The following FAR1 variants were observed in gnomAD, a reference collection of about 807,000 sequenced individuals.
The protein encoded by FAR1 is fatty acyl-CoA reductase 1.
Under a neutral mutation model 61.1 loss-of-function variants are expected in FAR1, and 22 were observed. The ratio of observed to expected loss-of-function variants is 0.36; its 90% CI spans 0.26 to 0.51. FAR1 has a LOEUF of 0.51. FAR1 is among the 20% of genes least tolerant of loss of function. FAR1 has a pLI of 0.95. For synonymous variants in FAR1, 206 were observed against 209.7 expected (o/e 0.98, Z 0.15); for missense variants, 359 against 626.9 (o/e 0.57, Z 4.56).
At position 13,685,645 on chromosome 11, in the gene FAR1, T is replaced by C. The variant is rs192237432; in HGVS notation, c.-7-9114T>C. The C allele has an allele frequency of 2.4e-3, 451 of 190,346 alleles. 4 individuals are homozygous for C. The highest frequency in any genetic ancestry group is 0.01 in the African/African-American group (427 of 42,512). The allele number at this position is 190,346 out of a possible 1,614,324, so 11.8% of individuals were successfully genotyped here. On this transcript the variant is annotated intron_variant, in intron 1 of 11. Transcript: ENST00000354817. Reference sequence around the variant, plus strand: ...GAAACACTTAATCCGGAAACTCTTGTGAGAAGACATGGTGAGAAGCCAAGT... The same window carrying C: ...GAAACACTTAATCCGGAAACTCTTGCGAGAAGACATGGTGAGAAGCCAAGT...
chr11:13,695,067 T>TAAAA, intron 2 of FAR1, 113 bp downstream of exon 2: 4 of 808,664 alleles, frequency 4.9e-6, no homozygotes, highest in Non-Finnish European at 7.0e-6. Flanking sequence ...AAAAAATTAG[T>TAAAA]AAAACAAAAA....
At chr11:13,687,417 G>A (rs1195492535) in intron 1 of FAR1, among the ~76,000 whole-genome samples, 1 of 152,228 alleles carries the variant, frequency 6.6e-6, no homozygotes, top group African/African-American at 2.4e-5. Context: ...TCATATTGCA[G>A]TGGTGCAGCT....
chr11:13,720,586 A>G (rs1848599970), intron 9 of FAR1: 1 of 151,998 alleles, frequency 6.6e-6, no homozygotes, highest in Non-Finnish European at 1.5e-5. Context: ...TTCTGGATTC[A>G]GAGTTTATTT....
intron 4 of FAR1, among the ~76,000 whole-genome samples, chr11:13,708,615 A>C (rs1420096244): frequency 6.6e-6 from 1 of 152,144 alleles, no homozygotes; most frequent in Non-Finnish European, 1.5e-5. Context: ...ATTTGGAGGA[A>C]GGCTCCTGAA....
At chr11:13,725,354 A>G (rs975507738) in intron 10 of FAR1, among the ~76,000 whole-genome samples, 2 of 152,122 alleles carry the variant, frequency 1.3e-5, no homozygotes, top group Admixed American at 6.6e-5. Flanking sequence ...TTTGATTTTC[A>G]ATTTTAGCCA....
intron 2 of FAR1, among the ~76,000 whole-genome samples, chr11:13,699,641 T>C (rs1848348366): frequency 6.6e-6 from 1 of 152,202 alleles, no homozygotes; most frequent in Admixed American, 6.5e-5. Context: ...CACAATTGAA[T>C]ATGCCTTTAA....
intron 3 of FAR1, among the ~76,000 whole-genome samples, chr11:13,706,360 T>C (rs935342752): frequency 4.6e-5 from 7 of 152,170 alleles, no homozygotes; most frequent in African/African-American, 1.7e-4. Context: ...TTAATAAATA[T>C]ACCATTTCTG....
intron 1 of FAR1, among the ~76,000 whole-genome samples, chr11:13,690,972 G>A (rs1448721572): frequency 1.3e-5 from 2 of 151,934 alleles, no homozygotes; most frequent in African/African-American, 4.8e-5. Flanking sequence ...ATAATTTATT[G>A]AGATGAGATT....
chr11:13,673,385 T>C (rs751706145), intron 1 of FAR1, among the ~76,000 whole-genome samples: 11 of 152,238 alleles, frequency 7.2e-5, no homozygotes, highest in Admixed American at 3.9e-4. Flanking sequence ...TATAATTCTC[T>C]AAAATGTGAA....
Position 13,721,821 on chromosome 11 carries a change from A to G in FAR1, c.1219A>G (p.Asn407Asp). Reference protein sequence around the residue: ...NSWVWNTENVNMLMNQLNPED... With the variant: ...NSWVWNTENVDMLMNQLNPED... ...TTGGGTTTGGAATACTGAGAATGTCAATATGTTAATGAATCAACTAAACCC... is the reference window on the plus strand; with the variant it reads ...TTGGGTTTGGAATACTGAGAATGTCGATATGTTAATGAATCAACTAAACCC... Residue 407 changes from asparagine to aspartate, a missense_variant, in exon 10 of 12, where the codon AAT (asparagine) becomes GAT (aspartate). By Grantham distance (23) the Asn-to-Asp change is conservative (BLOSUM62 1). Around this residue, in one of 2 missense-constraint regions of FAR1, gnomAD observed 344 missense variants for 570.3 expected, o/e 0.60. Coordinates refer to ENST00000354817, the MANE Select transcript of FAR1 (RefSeq NM_032228.6). This position sits in a 1 kb window ranked among gnomAD's most constrained non-coding sequence, Gnocchi z 4.2. 6.2e-7 allele frequency: 1 copy of G among 1,610,324 alleles called. No individual in the cohort carries two copies. Among genetic ancestry groups the G allele is most frequent in the Non-Finnish European group, 8.5e-7 (1 of 1,178,284 alleles).
chr11:13,702,083 T>C (rs968491247), intron 3 of FAR1, among the ~76,000 whole-genome samples: 2 of 152,194 alleles, frequency 1.3e-5, no homozygotes, highest in African/African-American at 4.8e-5. Context: ...CTGTAGCAGT[T>C]GCTTTATTTA....
chr11:13,688,252 C>T (rs77876081), intron 1 of FAR1, among the ~76,000 whole-genome samples: 5 of 37,534 alleles, frequency 1.3e-4, no homozygotes, highest in Admixed American at 4.6e-4. Context: ...GTTTTTTTTT[C>T]CCCTAGGAGG....
Position 13,710,780 on chromosome 11 carries a change from A to G in FAR1, c.633A>G (p.Ala211=). The G allele has an allele frequency of 6.2e-7, 1 of 1,613,156 alleles. No homozygotes were observed. The highest frequency in any genetic ancestry group is 1.1e-5 in the South Asian group (1 of 90,978). ...PNTYIYTKAL[A]EYVVQQEGAK... ...CATACATATACACAAAAGCATTGGC[A>G]GAATATGTTGTACAACAAGAAGGAG... Residue 211 remains alanine, a synonymous_variant, in exon 5 of 12, where the codon GCA becomes GCG. Coordinates refer to ENST00000354817, the MANE Select transcript of FAR1 (RefSeq NM_032228.6).
chr11:13,674,013 G>A (rs951661642), intron 1 of FAR1, among the ~76,000 whole-genome samples: 2 of 152,088 alleles, frequency 1.3e-5, no homozygotes, highest in Admixed American at 1.3e-4. Context: ...GCATTATGAT[G>A]TAGAAAATTC....
intron 1 of FAR1, among the ~76,000 whole-genome samples, chr11:13,685,962 A>G (rs1848180777): frequency 1.3e-5 from 2 of 152,182 alleles, no homozygotes; most frequent in Admixed American, 1.3e-4. Flanking sequence ...CTTTCAGATC[A>G]TCTATTTTAA....
chr11:13,696,360 A>G (rs1472306712), intron 2 of FAR1, among the ~76,000 whole-genome samples: 1 of 152,082 alleles, frequency 6.6e-6, no homozygotes, highest in Non-Finnish European at 1.5e-5. Context: ...GACAGTTTTT[A>G]AGAGGGAAGG....
chr11:13,672,158 T>C (rs1848011973), intron 1 of FAR1, among the ~76,000 whole-genome samples: 1 of 152,224 alleles, frequency 6.6e-6, no homozygotes. Flanking sequence ...TTGTGTTTAG[T>C]GGCAGGTACT....
chr11:13,675,028 C>T (rs1502238), intron 1 of FAR1, among the ~76,000 whole-genome samples: 8 of 146,124 alleles, frequency 5.5e-5, no homozygotes, highest in Non-Finnish European at 1.2e-4. Flanking sequence ...CCACTTCCTT[C>T]TTTATTTTGA....
intron 1 of FAR1, among the ~76,000 whole-genome samples, chr11:13,672,305 A>AT (rs1473281629): frequency 6.6e-6 from 1 of 151,916 alleles, no homozygotes; most frequent in African/African-American, 2.4e-5. Flanking sequence ...GTTTTTTCAA[A>AT]TTTAAAAAAA....
Sources: allele counts gnomAD v4.1 joint callset (sites outside exome capture counted in the v4.1 genomes callset), GRCh38; gene constraint gnomAD v4.1.1; regional missense constraint gnomAD v4.1.1; non-coding constraint Gnocchi (gnomAD v3.1); transcripts MANE v1.5; gene names NCBI Gene and HGNC (gene_info 2026-07-23, HGNC 2026-07-21).